Variants in TCERG1L observed in about 807,000 individuals in gnomAD.
TCERG1L encodes transcription elongation regulator 1 like.
A neutral mutation model predicts 56.3 loss-of-function variants in TCERG1L; 37 were observed. The ratio of observed to expected loss-of-function variants is 0.66; its 90% confidence interval spans 0.51 to 0.87. The LOEUF (loss-of-function observed/expected upper bound fraction) is 0.87. Among genes scored for constraint, TCERG1L ranks in the 40% least tolerant of loss-of-function variants. The pLI, the probability that TCERG1L is intolerant of heterozygous loss-of-function variation, is 0.00. For missense variants in TCERG1L, 799 were observed against 774.2 expected, an observed-to-expected ratio of 1.03 and a Z score of -0.38; for synonymous variants, 324 against 326.3, an observed-to-expected ratio of 0.99 and a Z score of 0.08.
chr10:131,126,017 C>T (rs1845561987), intron 8 of TCERG1L, among the ~76,000 whole-genome samples: 1 of 152,238 alleles, frequency 6.6e-6, no homozygotes, highest in Admixed American at 6.5e-5. Flanking sequence ...GGGGTCTGGG[C>T]TGCCTGGAAT....
At chr10:131,182,601 T>C (rs1482518505) in intron 4 of TCERG1L, among the ~76,000 whole-genome samples, 1 of 152,138 alleles carries the variant, frequency 6.6e-6, no homozygotes, top group Non-Finnish European at 1.5e-5. Flanking sequence ...TCAGAAGAAC[T>C]GTATGGATCC....
intron 9 of TCERG1L, among the ~76,000 whole-genome samples, chr10:131,110,267 GAGACAGACACAACT>G (rs1845397939): frequency 6.6e-6 from 1 of 152,216 alleles, no homozygotes; most frequent in African/African-American, 2.4e-5. Context: ...ATCTGGTTCT[GAGACAGACACAACT>G]GTCTCCTAAC....
At chr10:131,126,571 AGCTCCTGCTTT>A (rs1347619297) in intron 8 of TCERG1L, among the ~76,000 whole-genome samples, 4 of 151,780 alleles carry the variant, frequency 2.6e-5, no homozygotes, top group Admixed American at 2.6e-4. Flanking sequence ...CTCTGGCCTG[AGCTCCTGCTTT>A]GCGACAGACT....
chr10:131,294,163 T>A (rs1450817701), intron 3 of TCERG1L, among the ~76,000 whole-genome samples: 1 of 152,186 alleles, frequency 6.6e-6, no homozygotes, highest in African/African-American at 2.4e-5. Flanking sequence ...AAACTGTATA[T>A]CTGAAGAATG....
chr10:131,282,092 C>T (rs1187245121), intron 3 of TCERG1L, among the ~76,000 whole-genome samples: 3 of 140,448 alleles, frequency 2.1e-5, no homozygotes, highest in Admixed American at 8.0e-5. Flanking sequence ...GCGGAGATCA[C>T]GCCACTGCAG....
At chr10:131,283,917 G>A (rs1846491899) in intron 3 of TCERG1L, among the ~76,000 whole-genome samples, 1 of 152,014 alleles carries the variant, frequency 6.6e-6, no homozygotes, top group South Asian at 2.1e-4. Context: ...GAGGTCAGGA[G>A]TTCGAGACCA....
At chr10:131,108,970 G>C (rs565085472) in intron 9 of TCERG1L, among the ~76,000 whole-genome samples, 1 of 152,270 alleles carries the variant, frequency 6.6e-6, no homozygotes, top group African/African-American at 2.4e-5. Flanking sequence ...CCCTGGCTAA[G>C]GCAGAGTCTT....
intron 4 of TCERG1L, among the ~76,000 whole-genome samples, chr10:131,177,113 CGT>C (rs982677336): frequency 2.2e-4 from 34 of 151,862 alleles, no homozygotes; most frequent in African/African-American, 8.2e-4. Context: ...CACACAGACA[CGT>C]GTACACACAG....
At chr10:131,236,342 GC>G (rs1429756636) in intron 4 of TCERG1L, among the ~76,000 whole-genome samples, 1 of 152,092 alleles carries the variant, frequency 6.6e-6, no homozygotes, top group Non-Finnish European at 1.5e-5. Context: ...GATTAAAACT[GC>G]CATTTGTTCA....
intron 4 of TCERG1L, among the ~76,000 whole-genome samples, chr10:131,245,526 C>T (rs954692548): frequency 3.9e-5 from 6 of 152,246 alleles, no homozygotes; most frequent in East Asian, 3.9e-4. Context: ...CCACCCAAAA[C>T]GAGGGGGCGG....
chr10:131,175,858 T>A (rs1333476724), intron 4 of TCERG1L, among the ~76,000 whole-genome samples: 3 of 151,614 alleles, frequency 2.0e-5, no homozygotes, highest in African/African-American at 7.3e-5. Flanking sequence ...AAGACAGGGA[T>A]TGAGATAGAG....
intron 3 of TCERG1L, among the ~76,000 whole-genome samples, chr10:131,297,923 T>A (rs1792842243): frequency 1.3e-5 from 2 of 152,140 alleles, no homozygotes; most frequent in East Asian, 1.9e-4. Flanking sequence ...ATTCCTGACA[T>A]CAGTAATCTG....
At chr10:131,291,562 G>A (rs1263347909) in intron 3 of TCERG1L, among the ~76,000 whole-genome samples, 2 of 150,678 alleles carry the variant, frequency 1.3e-5, no homozygotes, top group African/African-American at 4.9e-5. Flanking sequence ...AAGTAGCTGG[G>A]ACTACAGGCG....
At chr10:131,114,735 G>C (rs1845438760) in intron 9 of TCERG1L, among the ~76,000 whole-genome samples, 1 of 152,172 alleles carries the variant, frequency 6.6e-6, no homozygotes, top group Non-Finnish European at 1.5e-5. Context: ...AGGTAGGTTA[G>C]TTTAAAACTG....
At chr10:131,108,622 G>A (rs565222476) in intron 9 of TCERG1L, among the ~76,000 whole-genome samples, 16 of 152,292 alleles carry the variant, frequency 1.1e-4, no homozygotes, top group Admixed American at 9.8e-4. Flanking sequence ...CGCTGCATAA[G>A]CAACGACTTC....
At chr10:131,256,799 A>G (rs1238865520) in intron 4 of TCERG1L, among the ~76,000 whole-genome samples, 4 of 151,452 alleles carry the variant, frequency 2.6e-5, no homozygotes, top group Non-Finnish European at 1.5e-5. Flanking sequence ...CAGGAGAATC[A>G]CTTGAACCCA....
At chr10:131,255,711 G>A (rs891880895) in intron 4 of TCERG1L, among the ~76,000 whole-genome samples, 2 of 152,264 alleles carry the variant, frequency 1.3e-5, no homozygotes, top group Non-Finnish European at 2.9e-5. Context: ...GTGATTCTCA[G>A]GGTAGGCACA....
chr10:131,139,387 T>C (rs1845708325), intron 7 of TCERG1L, among the ~76,000 whole-genome samples: 1 of 152,156 alleles, frequency 6.6e-6, no homozygotes, highest in East Asian at 1.9e-4. Flanking sequence ...GAAGTCATCA[T>C]GCATCCAGAC....
chr10:131,144,828 A>G (rs1845777781), intron 7 of TCERG1L, among the ~76,000 whole-genome samples: 1 of 152,186 alleles, frequency 6.6e-6, no homozygotes, highest in Non-Finnish European at 1.5e-5. Context: ...ATTCTTGTTA[A>G]AAGAAGGAGA....
Sources: allele counts gnomAD v4.1 joint callset (sites outside exome capture counted in the v4.1 genomes callset), GRCh38; gene constraint gnomAD v4.1.1; transcripts MANE v1.5; gene names NCBI Gene and HGNC (gene_info 2026-07-23, HGNC 2026-07-21).